PATJ: variants seen among roughly 807,000 people sequenced by gnomAD.
The protein encoded by PATJ is PATJ crumbs cell polarity complex component.
In PATJ, 190 loss-of-function variants were observed where a neutral mutation model predicts 224.9. That is an observed-to-expected ratio of 0.84 (90% CI 0.75 to 0.95). The LOEUF (loss-of-function observed/expected upper bound fraction) is 0.95. PATJ is among the 40% of genes least tolerant of loss of function. PATJ has a pLI of 0.00. For missense variants in PATJ, 2,121 were observed against 2,270.3 expected (o/e 0.93, Z 1.34); for synonymous variants, 769 against 820.3 (o/e 0.94, Z 1.07).
chr1:62,028,265 A>C (rs1433797061), intron 29 of PATJ, among the ~76,000 whole-genome samples: 2 of 152,100 alleles, frequency 1.3e-5, no homozygotes, highest in African/African-American at 4.8e-5. Context: ...CTTCACAGGC[A>C]TGATCATAGC....
intron 1 of PATJ, among the ~76,000 whole-genome samples, chr1:61,756,342 T>G (rs990793960): frequency 2.0e-5 from 3 of 152,096 alleles, no homozygotes; most frequent in African/African-American, 7.2e-5. Flanking sequence ...GCAGTGGTTC[T>G]TCAGTTGTGG....
chr1:62,106,079 T>TATATACACACAC (rs1313613418), intron 33 of PATJ, among the ~76,000 whole-genome samples: 5 of 20,770 alleles, frequency 2.4e-4, no homozygotes, highest in African/African-American at 4.5e-4. Context: ...TATATATATA[T>TATATACACACAC]ACACACACAC....
At position 61,827,472 on chromosome 1, in the gene PATJ, T is replaced by G; in HGVS notation, c.1869T>G (p.Phe623Leu). ...YGKSRREAVS[F>L]LKEVPPPFTL... ...AATCTCGCCGAGAAGCAGTCTCCTT[T>G]CTTAAAGAAGTGCCACCCCCTTTTA... Residue 623 changes from phenylalanine (F) to leucine (L), a missense_variant, in exon 16 of 44, where the codon TTT becomes TTG. Transcript: ENST00000642238. 1 of 1,614,082 alleles carries G rather than the reference T, an allele frequency of 6.2e-7. No homozygotes were observed. The highest frequency in any genetic ancestry group is 1.1e-5 in the South Asian group (1 of 91,076).
At chr1:61,860,207 A>G (rs879512633) in intron 18 of PATJ, among the ~76,000 whole-genome samples, 1 of 151,986 alleles carries the variant, frequency 6.6e-6, no homozygotes, top group Non-Finnish European at 1.5e-5. Context: ...CCCAAAAATG[A>G]ATGAAATGAC....
At chr1:62,103,371 G>A (rs1015993406) in intron 33 of PATJ, among the ~76,000 whole-genome samples, 2 of 152,166 alleles carry the variant, frequency 1.3e-5, no homozygotes, top group African/African-American at 4.8e-5. Context: ...TTGATGAGTT[G>A]TTATGAGGAT....
rs1297199171 is a variant in PATJ, at chr1:62,136,648, CGTGTGTGTGT to C, written c.5271+7710_5271+7719del. On this transcript the variant is annotated intron_variant, in intron 41 of 43. Coordinates refer to ENST00000642238, the MANE Select transcript of PATJ (RefSeq NM_001350145.3). ...AAGTGCTGAGGATTTTTATGTTTTG[CGTGTGTGTGT>C]GTGTGTCTGTGTGTGTGTGTGTGTG... Among the ~76,000 whole-genome samples, 36 of 71,234 alleles carry C rather than the reference CGTGTGTGTGT, an allele frequency of 5.1e-4. 1 individual carries two copies. The highest frequency in any genetic ancestry group is 4.9e-4 in the Non-Finnish European group (18 of 36,952). The allele number at this position is 71,234 out of a possible 152,430, so 46.7% of individuals were successfully genotyped here.
chr1:62,087,231 C>G (rs1266063350), intron 33 of PATJ, among the ~76,000 whole-genome samples: 1 of 151,956 alleles, frequency 6.6e-6, no homozygotes, highest in Non-Finnish European at 1.5e-5. Context: ...GGCAGAGAGT[C>G]TTCCCTGAAG....
chr1:62,150,109 G>A (rs1668470502), intron 42 of PATJ, among the ~76,000 whole-genome samples: 1 of 152,086 alleles, frequency 6.6e-6, no homozygotes, highest in Non-Finnish European at 1.5e-5. Context: ...AACATGAATC[G>A]AATTTGTATC....
rs940649250 is a variant in PATJ, at chr1:62,001,131, T to G, written c.3867+10767T>G. Among the ~76,000 whole-genome samples the G allele has an allele frequency of 3.3e-5, 5 of 151,402 alleles. No homozygotes were observed. In the South Asian group the frequency reaches 1.0e-3, roughly 32 times the overall value. ...TAGGTTGCGAAAATTTTCTCCCATT[T>G]TGTAGGTTGCCTGTTCACTCTGATG... is the stretch of plus-strand genomic sequence containing the variant. On this transcript the variant is annotated intron_variant, in intron 28 of 43. Coordinates refer to ENST00000642238, the MANE Select transcript of PATJ (RefSeq NM_001350145.3).
chr1:62,131,710 C>T (rs1159946372), intron 41 of PATJ, among the ~76,000 whole-genome samples: 2 of 151,810 alleles, frequency 1.3e-5, no homozygotes, highest in Non-Finnish European at 2.9e-5. Context: ...TCACTTGAGC[C>T]CAAGAGTTTG....
At position 62,093,178 on chromosome 1, in the gene PATJ, G is replaced by A. The variant is rs942221615; in HGVS notation, c.4377+8530G>A. 2.6e-5 allele frequency among the ~76,000 whole-genome samples: 4 copies of A among 152,176 alleles called. No individual in the cohort carries two copies. In the South Asian group the frequency reaches 8.3e-4, roughly 32 times the overall value. On this transcript the variant is annotated intron_variant, in intron 33 of 43. Coordinates refer to ENST00000642238, the MANE Select transcript of PATJ (RefSeq NM_001350145.3). ...AGCTACGTTAGCAAGAAATATCATG[G>A]TAGACATACTCTCCCATTTGGGTAC...
At chr1:61,972,233 C>A (rs1455010008) in intron 27 of PATJ, among the ~76,000 whole-genome samples, 1 of 151,928 alleles carries the variant, frequency 6.6e-6, no homozygotes, top group East Asian at 1.9e-4. Flanking sequence ...TAAATTTGTG[C>A]ATGAAACAAA....
chr1:61,807,836 T>C (rs1653905558), intron 13 of PATJ, among the ~76,000 whole-genome samples: 1 of 152,220 alleles, frequency 6.6e-6, no homozygotes, highest in Non-Finnish European at 1.5e-5. Flanking sequence ...CAGATGCAAA[T>C]CATCAGTAAC....
chr1:61,801,748 A>G lies in PATJ; in HGVS notation c.1528A>G (p.Ile510Val). ...ERIDTLKNDN[I>V]QALEKLEKVP... The stretch of plus-strand genomic sequence containing the variant: ...AATTGATACTTTAAAAAATGACAAC[A>G]TACAAGCCTTAGAAAAATTGGGTAG... The change falls in exon 12 of 44, where the codon ATA (isoleucine) becomes GTA (valine). Residue 510 changes from isoleucine (I) to valine (V), a missense_variant. By Grantham distance (29) the Ile-to-Val change is conservative (BLOSUM62 3). Transcript: ENST00000642238. 2 of 1,590,150 alleles carry G rather than the reference A, an allele frequency of 1.3e-6. No individual in the cohort carries two copies. The highest frequency in any genetic ancestry group is 1.7e-6 in the Non-Finnish European group (2 of 1,168,232).
At chr1:62,121,558 G>A (rs980234833) in intron 38 of PATJ, among the ~76,000 whole-genome samples, 10 of 151,806 alleles carry the variant, frequency 6.6e-5, no homozygotes, top group Non-Finnish European at 1.5e-4. Context: ...CTGAGGTCAG[G>A]AGATCGAGAC....
chr1:61,818,857 G>A (rs1656701892), intron 14 of PATJ, among the ~76,000 whole-genome samples: 1 of 152,074 alleles, frequency 6.6e-6, no homozygotes, highest in African/African-American at 2.4e-5. Flanking sequence ...TGGGAATGGG[G>A]GTCATCATAT....
At chr1:61,845,727 G>A (rs1287859877) in intron 17 of PATJ, among the ~76,000 whole-genome samples, 1 of 152,158 alleles carries the variant, frequency 6.6e-6, no homozygotes, top group Non-Finnish European at 1.5e-5. Context: ...AAACACTGCA[G>A]AATCTTTTCT....
In PATJ at chr1:62,121,308, C is replaced by T; in HGVS notation, c.5005+13C>T. 1 of 1,496,108 alleles carries T rather than the reference C, an allele frequency of 6.7e-7. No individual in the cohort carries two copies. Among genetic ancestry groups the T allele is most frequent in the African/African-American group, 1.4e-5 (1 of 71,476 alleles). 92.7% of individuals were successfully genotyped at this position (1,496,108 alleles called of 1,614,324 possible). ...CAGAAAAATTCAGGTATTACACGGA[C>T]ACACCCAGAGCAAAACTATCCTGTT... is the stretch of plus-strand genomic sequence containing the variant. On this transcript the variant is annotated intron_variant, in intron 38 of 43. Transcript: ENST00000642238.
At chr1:61,847,086 A>G (rs900089154) in intron 17 of PATJ, among the ~76,000 whole-genome samples, 1 of 152,206 alleles carries the variant, frequency 6.6e-6, no homozygotes, top group Non-Finnish European at 1.5e-5. Context: ...ATAACATAAA[A>G]TTTTCAAGAG....
Sources: allele counts gnomAD v4.1 joint callset (sites outside exome capture counted in the v4.1 genomes callset), GRCh38; gene constraint gnomAD v4.1.1; transcripts MANE v1.5; gene names NCBI Gene and HGNC (gene_info 2026-07-23, HGNC 2026-07-21).